The following PTPRJ variants were observed in gnomAD, a reference collection of about 807,000 sequenced individuals.
PTPRJ encodes the protein receptor-type tyrosine-protein phosphatase eta.
A neutral mutation model predicts 141.3 loss-of-function variants in PTPRJ; 129 were observed. The ratio of observed to expected loss-of-function variants is 0.91; its 90% CI spans 0.79 to 1.06. The LOEUF is 1.06. Ranked by LOEUF, PTPRJ falls within the 50% of genes least tolerant of loss-of-function variation. The pLI, the probability that PTPRJ is intolerant of heterozygous loss-of-function variation, is 0.00. For missense variants in PTPRJ, 1,601 were observed against 1,679.7 expected, an observed-to-expected ratio of 0.95 and a Z score of 0.82; for synonymous variants, 610 against 640.5, an observed-to-expected ratio of 0.95 and a Z score of 0.72.
intron 10 of PTPRJ, among the ~76,000 whole-genome samples, chr11:48,139,146 G>A (rs1325736261): frequency 1.3e-5 from 2 of 152,064 alleles, no homozygotes; most frequent in African/African-American, 4.8e-5. Context: ...AAAAAAAGGG[G>A]GTCCTCATGA....
intron 16 of PTPRJ, 197 bp from the exon 17 acceptor site, chr11:48,149,793 A>G: frequency 1.7e-6 from 1 of 573,132 alleles, no homozygotes; most frequent in East Asian, 3.1e-5. Flanking sequence ...CACAAAACCA[A>G]TTAGTTACAA....
chr11:48,092,403 TCTTA>T (rs1310548108), intron 1 of PTPRJ, among the ~76,000 whole-genome samples: 1 of 150,840 alleles, frequency 6.6e-6, no homozygotes, highest in Non-Finnish European at 1.5e-5. Flanking sequence ...AAGGGTAGCA[TCTTA>T]CTTACTGCTG....
At chr11:48,141,149 G>A (rs1282654200) in intron 11 of PTPRJ, among the ~76,000 whole-genome samples, 1 of 152,102 alleles carries the variant, frequency 6.6e-6, no homozygotes, top group Non-Finnish European at 1.5e-5. Flanking sequence ...ACCAGCCTGG[G>A]CAACATAGCG....
chr11:48,167,178 G>C, intron 24 of PTPRJ, 26 bp from the exon 25 acceptor site: 6 of 1,591,468 alleles, frequency 3.8e-6, no homozygotes, highest in Non-Finnish European at 4.3e-6. Flanking sequence ...TTCATTTTCT[G>C]TCTCTCTCTT....
At chr11:48,039,614 TTTCTC>T (rs1854223429) in intron 1 of PTPRJ, among the ~76,000 whole-genome samples, 1 of 152,096 alleles carries the variant, frequency 6.6e-6, no homozygotes, top group South Asian at 2.1e-4. Context: ...TCCTGTCTCT[TTTCTC>T]TTTCTGAATA....
chr11:48,141,497 C>T (rs559583139), intron 11 of PTPRJ, among the ~76,000 whole-genome samples: 52 of 152,118 alleles, frequency 3.4e-4, no homozygotes, highest in African/African-American at 1.1e-3. Flanking sequence ...AGTGCTGTGC[C>T]CAGGTCTCAG....
chr11:48,109,915 C>T lies in PTPRJ; in HGVS notation c.97-143C>T, dbSNP rs1590513561. 9.0e-6 allele frequency: 8 copies of T among 891,308 alleles called. No homozygotes were observed. In the East Asian group the frequency reaches 1.7e-4, roughly 19 times the overall value. 55.2% of individuals were successfully genotyped at this position (891,308 alleles called of 1,614,324 possible). ...CCCTGTGTTTAATGTCCCAAGACGG[C>T]CTAACCCTGACCAGCAGACCTTTGC... is the stretch of plus-strand genomic sequence containing the variant. On this transcript the variant is annotated intron_variant, in intron 1 of 24. Coordinates refer to ENST00000418331, the MANE Select transcript of PTPRJ (RefSeq NM_002843.4).
intron 1 of PTPRJ, among the ~76,000 whole-genome samples, chr11:48,090,958 T>C (rs949669284): frequency 2.0e-5 from 3 of 151,952 alleles, no homozygotes; most frequent in Admixed American, 6.6e-5. Context: ...AAAGGATGAG[T>C]ATGGGGAGGT....
rs66504227 is a variant in PTPRJ at position 48,035,538 on chromosome 11, C to CTTTTTTTTTT, written c.96+54548_96+54557dup. On this transcript the variant is annotated intron_variant, in intron 1 of 24. Coordinates refer to ENST00000418331, the MANE Select transcript of PTPRJ (RefSeq NM_002843.4). ...TTTCTTTTCTTTTTTCTTTCTTCTTCTTTTTTTTTTTTTTTTTTTTTTTTT... is the reference window on the plus strand; with the variant it reads ...TTTCTTTTCTTTTTTCTTTCTTCTTCTTTTTTTTTTTTTTTTTTTTTTTTTTTTTTTTTTT... 3.2e-3 allele frequency among the ~76,000 whole-genome samples: 196 copies of CTTTTTTTTTT among 61,758 alleles called. 1 individual carries two copies. The highest frequency in any genetic ancestry group is 0.019 in the Middle Eastern group (1 of 52). 40.5% of individuals were successfully genotyped at this position (61,758 alleles called of 152,430 possible). A position where few individuals can be genotyped will look rare whatever the true frequency, so the allele number is the denominator to read the frequency against.
Position 48,164,398 on chromosome 11 carries a change from G to GAC in PTPRJ, c.3738_3739insAC (p.Gly1247ThrfsTer14), listed in dbSNP as rs1857860785. 1.9e-6 allele frequency: 3 copies of GAC among 1,613,934 alleles called. No individual in the cohort carries two copies. The highest frequency in any genetic ancestry group is 2.5e-6 in the Non-Finnish European group (3 of 1,179,962). ...CTCTCAGTGCTGGGGTCGGAAGGACGGGCACTTTCATTGCCATTGATCGTC... is the reference window on the plus strand; with the variant it reads ...CTCTCAGTGCTGGGGTCGGAAGGACGACGGCACTTTCATTGCCATTGATCGTC... On this transcript the variant is annotated frameshift_variant, in exon 24 of 25. Coordinates refer to ENST00000418331, the MANE Select transcript of PTPRJ (RefSeq NM_002843.4). LOFTEE classifies it high-confidence loss of function.
chr11:48,096,637 C>T (rs528294382), intron 1 of PTPRJ: 1 of 154,354 alleles, frequency 6.5e-6, no homozygotes, highest in Non-Finnish European at 1.5e-5. Context: ...GTTCACCCCC[C>T]AGAGCTGTTG....
At chr11:48,135,476 CTTTTTTTTTTT>C (rs34709299) in intron 8 of PTPRJ, among the ~76,000 whole-genome samples, 1 of 58,218 alleles carries the variant, frequency 1.7e-5, no homozygotes, top group Non-Finnish European at 3.1e-5. Context: ...CGCGCCTGGC[CTTTTTTTTTTT>C]TTTTTTTTTT....
At chr11:48,007,090 T>C (rs1197444322) in intron 1 of PTPRJ, among the ~76,000 whole-genome samples, 3 of 152,018 alleles carry the variant, frequency 2.0e-5, no homozygotes, top group East Asian at 1.9e-4. Context: ...TTATGAGTCC[T>C]GTTTCTTTTT....
intron 18 of PTPRJ, among the ~76,000 whole-genome samples, chr11:48,152,551 G>C (rs1350620935): frequency 6.6e-6 from 1 of 152,142 alleles, no homozygotes; most frequent in African/African-American, 2.4e-5. Context: ...GTATTGCCTA[G>C]GTTTTCTTCT....
chr11:48,059,407 G>C (rs1854856295), intron 1 of PTPRJ, among the ~76,000 whole-genome samples: 1 of 152,172 alleles, frequency 6.6e-6, no homozygotes, highest in Non-Finnish European at 1.5e-5. Context: ...ACAGGCGTGA[G>C]CCACTGCGCC....
At chr11:47,992,843 G>A (rs187198566) in intron 1 of PTPRJ, among the ~76,000 whole-genome samples, 1 of 152,120 alleles carries the variant, frequency 6.6e-6, no homozygotes, top group East Asian at 1.9e-4. Context: ...ATATATGTGC[G>A]CACGTGTGTG....
At chr11:48,136,887 A>G in intron 9 of PTPRJ, 116 bp from the exon 10 acceptor site, 2 of 1,038,188 alleles carry the variant, frequency 1.9e-6, no homozygotes, top group Non-Finnish European at 2.8e-6. Flanking sequence ...GCCAGCAAAT[A>G]CTAGTTTTAT....
At chr11:48,019,546 C>G (rs1855053377) in intron 1 of PTPRJ, among the ~76,000 whole-genome samples, 1 of 152,168 alleles carries the variant, frequency 6.6e-6, no homozygotes, top group Non-Finnish European at 1.5e-5. Context: ...ATGTGGTGGA[C>G]ATTTTGCCAG....
chr11:48,108,781 C>T (rs1038792188), intron 1 of PTPRJ, among the ~76,000 whole-genome samples: 3 of 152,058 alleles, frequency 2.0e-5, no homozygotes, highest in Non-Finnish European at 2.9e-5. Context: ...AGGCCTGAGG[C>T]GCGAAGGAGT....
Sources: allele counts gnomAD v4.1 joint callset (sites outside exome capture counted in the v4.1 genomes callset), GRCh38; gene constraint gnomAD v4.1.1; transcripts MANE v1.5; gene names NCBI Gene and HGNC (gene_info 2026-07-23, HGNC 2026-07-21).